Variants in PIK3CG observed in about 807,000 individuals in gnomAD.
PIK3CG encodes phosphatidylinositol 4,5-bisphosphate 3-kinase catalytic subunit gamma isoform.
PIK3CG carries 55 observed loss-of-function variants against 102.3 expected under a neutral mutation model. The ratio of observed to expected loss-of-function variants is 0.54; its 90% confidence interval spans 0.43 to 0.67. PIK3CG has a LOEUF of 0.67. Among genes scored for constraint, PIK3CG ranks in the 30% least tolerant of loss-of-function variants. The probability of loss-of-function intolerance (pLI) is 0.00; values close to 1 mark genes in which losing one functional copy is unlikely to be tolerated. For synonymous variants in PIK3CG, 552 were observed against 540.0 expected, an observed-to-expected ratio of 1.02 and a Z score of -0.31; for missense variants, 1,258 against 1,391.8, an observed-to-expected ratio of 0.90 and a Z score of 1.53.
Position 106,880,342 on chromosome 7 carries a change from T to C in PIK3CG, c.2538+677T>C, listed in dbSNP as rs1211589472. 1.3e-5 allele frequency among the ~76,000 whole-genome samples: 2 copies of C among 152,250 alleles called. No homozygotes were observed. The highest frequency in any genetic ancestry group is 4.8e-5 in the African/African-American group (2 of 41,476). On this transcript the variant is annotated intron_variant, in intron 6 of 10. Coordinates refer to ENST00000496166, the MANE Select transcript of PIK3CG (RefSeq NM_001282426.2). This position sits in a 1 kb window ranked among gnomAD's most constrained non-coding sequence, Gnocchi z 4.2. ...GTTTATTTGAAGTAGACAAATTACATTGATTTCAAGGTAGCCTATTTAAAA... is the reference window on the plus strand; with the variant it reads ...GTTTATTTGAAGTAGACAAATTACACTGATTTCAAGGTAGCCTATTTAAAA...
chr7:106,886,374 C>T (rs1791093545), intron 10 of PIK3CG, 82 bp downstream of exon 10: 4 of 1,456,778 alleles, frequency 2.7e-6, no homozygotes, highest in Non-Finnish European at 3.8e-6. Flanking sequence ...TCACCTCTCA[C>T]TCAGCTTGGA....
rs748985903 is a variant in PIK3CG at position 106,883,088 on chromosome 7, A to G, written c.2685A>G (p.Thr895=). ...ATTIAKIQQS[T]VGNTGAFKDE... ...CAATTGCCAAAATTCAGCAAAGCAC[A>G]GTGGGCAACACGGGAGCATTTAAAG... The change falls in exon 8 of 11, where the codon ACA becomes ACG. Residue 895 remains threonine (T), a synonymous_variant. Coordinates refer to ENST00000496166, the MANE Select transcript of PIK3CG (RefSeq NM_001282426.2). This position sits in a 1 kb window ranked among gnomAD's most constrained non-coding sequence, Gnocchi z 5.8. 6.2e-7 allele frequency: 1 copy of G among 1,614,044 alleles called. No individual in the cohort carries two copies. The highest frequency in any genetic ancestry group is 8.5e-7 in the Non-Finnish European group (1 of 1,179,990).
At chr7:106,876,078 C>A (rs1219401215) in intron 5 of PIK3CG, among the ~76,000 whole-genome samples, 1 of 150,444 alleles carries the variant, frequency 6.6e-6, no homozygotes, top group Non-Finnish European at 1.5e-5. Flanking sequence ...CCGCGCCCGG[C>A]TAATTTTTTG....
Position 106,897,372 on chromosome 7 carries a change from TA to T in PIK3CG, c.3031-7732del, listed in dbSNP as rs1254359183. Among the ~76,000 whole-genome samples, 1 of 152,174 alleles carries T rather than the reference TA, an allele frequency of 6.6e-6. No individual in the cohort carries two copies. The highest frequency in any genetic ancestry group is 1.5e-5 in the Non-Finnish European group (1 of 68,024). Reference sequence around the variant, plus strand: ...TTATTGAGGTATGTTTTACATAGAGTAAAAATCACCCTTTCTTTTATTTTTG... The same window carrying T: ...TTATTGAGGTATGTTTTACATAGAGTAAAATCACCCTTTCTTTTATTTTTG... On this transcript the variant is annotated intron_variant, in intron 10 of 10. Coordinates refer to ENST00000496166, the MANE Select transcript of PIK3CG (RefSeq NM_001282426.2). The surrounding 1 kb of genome is among the most constrained non-coding windows in gnomAD (Gnocchi z 4.6).
intron 1 of PIK3CG, among the ~76,000 whole-genome samples, chr7:106,866,271 G>A (rs913834350): frequency 1.3e-5 from 2 of 152,156 alleles, no homozygotes; most frequent in African/African-American, 4.8e-5. Flanking sequence ...GATTCGTTTA[G>A]AATATAATGT....
rs1472919027 is a variant in PIK3CG at position 106,879,563 on chromosome 7, G to C, written c.2436G>C (p.Trp812Cys). Reference sequence around the variant, plus strand: ...TGGCCTCCAAGAAAAAACCACTATGGCTTGAGTTTAAATGTGCCGATCCTA... The same window carrying C: ...TGGCCTCCAAGAAAAAACCACTATGCCTTGAGTTTAAATGTGCCGATCCTA... ...KVMASKKKPL[W>C]LEFKCADPTA... The change falls in exon 6 of 11, where the codon TGG becomes TGC. Residue 812 changes from tryptophan to cysteine, a missense_variant. Physicochemically the swap from Trp to Cys is radical, Grantham distance 215. Transcript: ENST00000496166. The surrounding 1 kb of genome is among the most constrained non-coding windows in gnomAD (Gnocchi z 4.9). 1 of 1,613,674 alleles carries C rather than the reference G, an allele frequency of 6.2e-7. No homozygotes were observed. Among genetic ancestry groups the C allele is most frequent in the Non-Finnish European group, 8.5e-7 (1 of 1,179,662 alleles).
At chr7:106,873,632 T>C (rs1026345678) in intron 4 of PIK3CG, among the ~76,000 whole-genome samples, 1 of 152,142 alleles carries the variant, frequency 6.6e-6, no homozygotes, top group South Asian at 2.1e-4. Context: ...CCATTTTATA[T>C]CAGGGGCTTG....
At chr7:106,871,679 TTGC>T (rs1331320561) in intron 2 of PIK3CG, among the ~76,000 whole-genome samples, 1 of 134,914 alleles carries the variant, frequency 7.4e-6, no homozygotes, top group African/African-American at 2.7e-5. Flanking sequence ...AATGTTAGTG[TTGC>T]TGCTTTTAAA....
rs1791450793 is a variant in PIK3CG at position 106,897,960 on chromosome 7, T to C, written c.3031-7149T>C. Among the ~76,000 whole-genome samples the C allele has an allele frequency of 6.6e-6, 1 of 152,200 alleles. No individual in the cohort carries two copies. The highest frequency in any genetic ancestry group is 6.5e-5 in the Admixed American group (1 of 15,280). ...TTAGCTCTTTGAAGAATCGCCACAT[T>C]GCTTTCCACAATGGTTGAACTAATT... is the stretch of plus-strand genomic sequence containing the variant. On this transcript the variant is annotated intron_variant, in intron 10 of 10. Coordinates refer to ENST00000496166, the MANE Select transcript of PIK3CG (RefSeq NM_001282426.2). The surrounding 1 kb of genome is among the most constrained non-coding windows in gnomAD (Gnocchi z 4.6).
Position 106,895,315 on chromosome 7 carries a change from G to A in PIK3CG, c.3030+9023G>A, listed in dbSNP as rs760504031. 6.6e-6 allele frequency among the ~76,000 whole-genome samples: 1 copy of A among 152,336 alleles called. No homozygotes were observed. Among genetic ancestry groups the A allele is most frequent in the Non-Finnish European group, 1.5e-5 (1 of 68,036 alleles). On this transcript the variant is annotated intron_variant, in intron 10 of 10. Coordinates refer to ENST00000496166, the MANE Select transcript of PIK3CG (RefSeq NM_001282426.2). This position sits in a 1 kb window ranked among gnomAD's most constrained non-coding sequence, Gnocchi z 5.4. Reference sequence around the variant, plus strand: ...ACAGCCAGTAACTTCTGTGTTCTGTGTTTTCCCCTGAGCTCCCCAGGCCAC... The same window carrying A: ...ACAGCCAGTAACTTCTGTGTTCTGTATTTTCCCCTGAGCTCCCCAGGCCAC...
chr7:106,886,016 A>G lies in PIK3CG; in HGVS notation c.2873-119A>G, dbSNP rs973216374. ...AAGACGAAAAATATCACAAACTGAC[A>G]AACATTGTAAAAAATGCTTTCAACA... On this transcript the variant is annotated intron_variant, in intron 9 of 10. Transcript: ENST00000496166. 12 of 875,064 alleles carry G rather than the reference A, an allele frequency of 1.4e-5. No individual in the cohort carries two copies. The Admixed American group carries it at 2.8e-4, about 21-fold the overall frequency. The allele number at this position is 875,064 out of a possible 1,614,324, so 54.2% of individuals were successfully genotyped here.
Position 106,897,751 on chromosome 7 carries a change from T to C in PIK3CG, c.3031-7358T>C, listed in dbSNP as rs1403223136. Among the ~76,000 whole-genome samples the C allele has an allele frequency of 6.6e-6, 1 of 152,244 alleles. No individual in the cohort carries two copies. On this transcript the variant is annotated intron_variant, in intron 10 of 10. Transcript: ENST00000496166. The surrounding 1 kb of genome is among the most constrained non-coding windows in gnomAD (Gnocchi z 4.6). ...GCTGCATAGTATTCCATGGTGTATA[T>C]GTACCACATTTTCTTTAATCAGCCT...
At chr7:106,887,892 A>G (rs907225407) in intron 10 of PIK3CG, among the ~76,000 whole-genome samples, 3 of 148,214 alleles carry the variant, frequency 2.0e-5, no homozygotes, top group African/African-American at 7.5e-5. Context: ...CAACTTAAAG[A>G]TCAGACATAC....
intron 10 of PIK3CG, among the ~76,000 whole-genome samples, chr7:106,889,002 T>C (rs1223950248): frequency 2.0e-5 from 3 of 152,350 alleles, no homozygotes; most frequent in East Asian, 3.9e-4. Context: ...AGAAAATCAA[T>C]AAATGGTAGC....
At chr7:106,889,832 G>C (rs954244194) in intron 10 of PIK3CG, among the ~76,000 whole-genome samples, 1 of 152,150 alleles carries the variant, frequency 6.6e-6, no homozygotes, top group African/African-American at 2.4e-5. Context: ...TAGAATAGGG[G>C]AGAGTTCAGG....
At position 106,903,868 on chromosome 7, in the gene PIK3CG, C is replaced by G. The variant is rs1300435128; in HGVS notation, c.3031-1241C>G. 6.6e-6 allele frequency among the ~76,000 whole-genome samples: 1 copy of G among 152,032 alleles called. No homozygotes were observed. Among genetic ancestry groups the G allele is most frequent in the Non-Finnish European group, 1.5e-5 (1 of 68,006 alleles). Reference sequence around the variant, plus strand: ...CTACCTCCCAGGTTCAAGCAATTCTCTTGCCTCAGCCTCCTGAGTAACTGG... The same window carrying G: ...CTACCTCCCAGGTTCAAGCAATTCTGTTGCCTCAGCCTCCTGAGTAACTGG... On this transcript the variant is annotated intron_variant, in intron 10 of 10. Transcript: ENST00000496166. The surrounding 1 kb of genome is among the most constrained non-coding windows in gnomAD (Gnocchi z 4.3).
rs556212355 is a variant in PIK3CG at position 106,868,641 on chromosome 7, G to T, written c.1080G>T (p.Lys360Asn). Residue 360 changes from lysine (K) to asparagine (N), a missense_variant, in exon 2 of 11, where the codon AAG (lysine) becomes AAT (asparagine). Physicochemically the swap from Lys to Asn is moderately conservative, Grantham distance 94 (BLOSUM62 0). Transcript: ENST00000496166. The surrounding 1 kb of genome is among the most constrained non-coding windows in gnomAD (Gnocchi z 6.2). ...FTVSLWDCDR[K>N]FRVKIRGIDI... ...TGTCCCTGTGGGACTGCGACCGCAA[G>T]TTCAGGGTCAAGATCAGAGGCATTG... The T allele has an allele frequency of 1.2e-6, 2 of 1,614,222 alleles. No homozygotes were observed. Among genetic ancestry groups the T allele is most frequent in the African/African-American group, 1.3e-5 (1 of 75,046 alleles).
rs1791610690 is a variant in PIK3CG, at chr7:106,903,484, T to C, written c.3031-1625T>C. Among the ~76,000 whole-genome samples, 1 of 151,844 alleles carries C rather than the reference T, an allele frequency of 6.6e-6. No individual in the cohort carries two copies. Among genetic ancestry groups the C allele is most frequent in the Admixed American group, 6.6e-5 (1 of 15,260 alleles). ...TAATTTTTTAAGAGTATAAAAATTA[T>C]AAATTATAAAAATTATAAAAGCATA... On this transcript the variant is annotated intron_variant, in intron 10 of 10. Coordinates refer to ENST00000496166, the MANE Select transcript of PIK3CG (RefSeq NM_001282426.2). This position sits in a 1 kb window ranked among gnomAD's most constrained non-coding sequence, Gnocchi z 4.3.
At chr7:106,871,618 CAT>C (rs1353106899) in intron 2 of PIK3CG, among the ~76,000 whole-genome samples, 1 of 152,194 alleles carries the variant, frequency 6.6e-6, no homozygotes, top group Non-Finnish European at 1.5e-5. Flanking sequence ...TTCATGTTTA[CAT>C]ATAACATCTA....
Sources: allele counts gnomAD v4.1 joint callset (sites outside exome capture counted in the v4.1 genomes callset), GRCh38; gene constraint gnomAD v4.1.1; non-coding constraint Gnocchi (gnomAD v3.1); transcripts MANE v1.5; gene names NCBI Gene and HGNC (gene_info 2026-07-23, HGNC 2026-07-21).